Variants in SLC15A4 observed in about 807,000 individuals in gnomAD.
The protein encoded by SLC15A4 is hPHT1.
A neutral mutation model predicts 46.1 loss-of-function variants in SLC15A4; 26 were observed. The ratio of observed to expected loss-of-function variants is 0.56; its 90% CI spans 0.41 to 0.78. SLC15A4 has a LOEUF of 0.78. Among genes scored for constraint, SLC15A4 ranks in the 30% least tolerant of loss-of-function variants. The pLI is 0.00. For synonymous variants in SLC15A4, 370 were observed against 333.4 expected, an observed-to-expected ratio of 1.11 and a Z score of -1.20; for missense variants, 751 against 755.7, an observed-to-expected ratio of 0.99 and a Z score of 0.07.
At chr12:128,794,736 T>G (rs973044191) in intron 7 of SLC15A4, among the ~76,000 whole-genome samples, 25 of 152,284 alleles carry the variant, frequency 1.6e-4, no homozygotes, top group African/African-American at 5.3e-4. Context: ...AAGGGGACAG[T>G]GTCGACGGAG....
chr12:128,797,293 A>G (rs9738836), intron 7 of SLC15A4, among the ~76,000 whole-genome samples: 45,211 of 151,874 alleles, frequency 0.3, 7,385 homozygotes, highest in Non-Finnish European at 0.37. Flanking sequence ...ATGCTCACAG[A>G]CAGAAGTGCT....
intron 7 of SLC15A4, among the ~76,000 whole-genome samples, chr12:128,797,523 G>C (rs1366837677): frequency 6.6e-6 from 1 of 152,204 alleles, no homozygotes; most frequent in East Asian, 1.9e-4. Context: ...GTTCTCCCCA[G>C]CTTAAATAAC....
chr12:128,823,390 C>G lies in SLC15A4; in HGVS notation c.546+8G>C, dbSNP rs910411363. 1 of 1,410,778 alleles carries G rather than the reference C, an allele frequency of 7.1e-7. No individual in the cohort carries two copies. The highest frequency in any genetic ancestry group is 1.5e-5 in the African/African-American group (1 of 66,746). The allele number at this position is 1,410,778 out of a possible 1,614,324, so 87.4% of individuals were successfully genotyped here. ...GGGACAGGGACAGCGCGCGGGGGCG[C>G]GGCTCACCTGGTCGGCGCCGAAGGG... On this transcript the variant is annotated splice_region_variant and intron_variant, in intron 1 of 7. Transcript: ENST00000266771.
intron 6 of SLC15A4, 116 bp downstream of exon 6, chr12:128,800,738 A>G: frequency 9.0e-7 from 1 of 1,108,586 alleles, no homozygotes; most frequent in Non-Finnish European, 1.2e-6. Context: ...CACTGCCAAA[A>G]ACTACAGAAG....
intron 1 of SLC15A4, among the ~76,000 whole-genome samples, chr12:128,820,459 CAT>C (rs1247236548): frequency 6.6e-6 from 1 of 152,210 alleles, no homozygotes; most frequent in Non-Finnish European, 1.5e-5. Flanking sequence ...TAGAAACTAT[CAT>C]TTCTAACGTC....
Position 128,823,915 on chromosome 12 carries a change from T to TCGCC in SLC15A4, c.25_28dup (p.Glu10GlyfsTer176). 2.8e-5 allele frequency: 22 copies of TCGCC among 784,358 alleles called. No individual in the cohort carries two copies. Among genetic ancestry groups the TCGCC allele is most frequent in the Non-Finnish European group, 3.4e-5 (22 of 649,164 alleles). 48.6% of individuals were successfully genotyped at this position (784,358 alleles called of 1,614,324 possible). On this transcript the variant is annotated frameshift_variant, in exon 1 of 8. Coordinates refer to ENST00000266771, the MANE Select transcript of SLC15A4 (RefSeq NM_145648.4). LOFTEE classifies it high-confidence loss of function. ...CCGCGCGCCCAGCAGCGGCGCCCGC[T>TCGCC]CGCCCGCACCGCCCCCAGAGCCCTC...
chr12:128,806,837 G>A (rs1955595036), intron 5 of SLC15A4, among the ~76,000 whole-genome samples: 1 of 151,514 alleles, frequency 6.6e-6, no homozygotes, highest in African/African-American at 2.4e-5. Context: ...GGCAAGCACT[G>A]TGCAGAGGCT....
At chr12:128,814,670 C>T in intron 2 of SLC15A4, 105 bp downstream of exon 2, 1 of 1,230,422 alleles carries the variant, frequency 8.1e-7, no homozygotes, top group Non-Finnish European at 1.1e-6. Flanking sequence ...ACCACTCAGC[C>T]CAGGCCCAGC....
At chr12:128,800,094 C>G (rs1435277808) in intron 6 of SLC15A4, among the ~76,000 whole-genome samples, 1 of 152,136 alleles carries the variant, frequency 6.6e-6, no homozygotes, top group Non-Finnish European at 1.5e-5. Flanking sequence ...CCACCCGCCT[C>G]GGATTCCTAA....
At position 128,814,679 on chromosome 12, in the gene SLC15A4, G is replaced by A. The variant is rs113180562; in HGVS notation, c.842+96C>T. 1.3e-3 allele frequency: 1,743 copies of A among 1,319,312 alleles called. 24 individuals are homozygous for A. The African/African-American group carries it at 0.023, about 17-fold the overall frequency. The allele number at this position is 1,319,312 out of a possible 1,614,324, so 81.7% of individuals were successfully genotyped here. ...ATGTAAACCACTCAGCCCAGGCCCA[G>A]CACACAATAAGCACACAACAAACCG... On this transcript the variant is annotated intron_variant, in intron 2 of 7. Transcript: ENST00000266771.
At chr12:128,818,986 T>C (rs1272863405) in intron 1 of SLC15A4, among the ~76,000 whole-genome samples, 8 of 152,258 alleles carry the variant, frequency 5.3e-5, no homozygotes, top group Non-Finnish European at 2.9e-5. Flanking sequence ...ATTTAGTTTA[T>C]ACATTCATCA....
At chr12:128,807,836 C>G (rs1174967129) in intron 5 of SLC15A4, among the ~76,000 whole-genome samples, 1 of 152,158 alleles carries the variant, frequency 6.6e-6, no homozygotes, top group Non-Finnish European at 1.5e-5. Context: ...CTAAAATGTC[C>G]CAGTCTCTAG....
intron 7 of SLC15A4, among the ~76,000 whole-genome samples, chr12:128,798,485 A>G (rs1257211979): frequency 1.3e-5 from 2 of 152,250 alleles, no homozygotes; most frequent in African/African-American, 2.4e-5. Flanking sequence ...ATTTCTGCAG[A>G]AAAGTCCCTA....
Position 128,799,315 on chromosome 12 carries a change from A to G in SLC15A4, c.1517T>C (p.Leu506Pro), listed in dbSNP as rs770201172. The G allele has an allele frequency of 6.2e-7, 1 of 1,614,232 alleles. No individual in the cohort carries two copies. Among genetic ancestry groups the G allele is most frequent in the Non-Finnish European group, 8.5e-7 (1 of 1,180,034 alleles). Residue 506 changes from leucine to proline, a missense_variant, in exon 7 of 8, where the codon CTG (leucine) becomes CCG (proline). By Grantham distance (98) the Leu-to-Pro change is moderately conservative. Transcript: ENST00000266771. ...SGVGSFVGSG[L>P]LALVSIKAIG... Reference sequence around the variant, plus strand: ...GGCTTTGATAGACACCAGTGCCAGCAGTCCAGAACCCACGAACGACCCGAC... The same window carrying G: ...GGCTTTGATAGACACCAGTGCCAGCGGTCCAGAACCCACGAACGACCCGAC...
At chr12:128,809,779 C>T (rs1206054353) in intron 3 of SLC15A4, 164 bp downstream of exon 3, 3 of 634,712 alleles carry the variant, frequency 4.7e-6, no homozygotes, top group Admixed American at 3.4e-5. Flanking sequence ...ATAGTTAAAG[C>T]AGCCAAAATG....
chr12:128,812,365 G>A (rs1392243239), intron 2 of SLC15A4, among the ~76,000 whole-genome samples: 1 of 151,826 alleles, frequency 6.6e-6, no homozygotes, highest in East Asian at 1.9e-4. Flanking sequence ...TACCTTCCAG[G>A]CTGGAGTGCA....
In SLC15A4 at chr12:128,810,086, A is replaced by G. The variant is rs1955638361; in HGVS notation, c.868T>C (p.Ser290Pro). The part of the protein sequence containing the change: ...NGEGIGVFQQ[S>P]SKQSLFDSCK... The stretch of plus-strand genomic sequence containing the variant: ...GAATCAAACAGACTTTGTTTAGAAG[A>G]TTGCTGAAAGACTCCAATGCCTTCA... The change falls in exon 3 of 8, where the codon TCT becomes CCT. Residue 290 changes from serine to proline, a missense_variant. Physicochemically the swap from Ser to Pro is moderately conservative, Grantham distance 74. Coordinates refer to ENST00000266771, the MANE Select transcript of SLC15A4 (RefSeq NM_145648.4). The G allele has an allele frequency of 6.2e-7, 1 of 1,613,818 alleles. No homozygotes were observed. Among genetic ancestry groups the G allele is most frequent in the Non-Finnish European group, 8.5e-7 (1 of 1,179,922 alleles).
chr12:128,801,794 T>C (rs1955521537), intron 5 of SLC15A4: 1 of 152,192 alleles, frequency 6.6e-6, no homozygotes, highest in Admixed American at 6.5e-5. Flanking sequence ...GCAAATTAGG[T>C]CACAGGCCCT....
chr12:128,821,111 T>C (rs1370434419), intron 1 of SLC15A4, among the ~76,000 whole-genome samples: 1 of 152,220 alleles, frequency 6.6e-6, no homozygotes, highest in East Asian at 1.9e-4. Flanking sequence ...GCCCTGCTTC[T>C]TGTACAGCCT....
Sources: allele counts gnomAD v4.1 joint callset (sites outside exome capture counted in the v4.1 genomes callset), GRCh38; gene constraint gnomAD v4.1.1; transcripts MANE v1.5; gene names NCBI Gene and HGNC (gene_info 2026-07-23, HGNC 2026-07-21).